The following ERCC1 variants were observed in gnomAD, a reference collection of about 807,000 sequenced individuals.
The protein encoded by ERCC1 is ERCC excision repair 1, endonuclease non-catalytic subunit, also known as DNA excision repair protein ERCC-1.
ERCC1 carries 36 observed loss-of-function variants against 37.6 expected under a neutral mutation model. The ratio of observed to expected loss-of-function variants is 0.96; its 90% CI spans 0.73 to 1.26. The LOEUF (loss-of-function observed/expected upper bound fraction) is 1.26, where lower values mean the gene tolerates loss of function less well. Among genes scored for constraint, ERCC1 ranks in the 50% most tolerant of loss-of-function variants. ERCC1 has a pLI of 0.00. For missense variants in ERCC1, 349 were observed against 376.5 expected, an observed-to-expected ratio of 0.93 and a Z score of 0.60; for synonymous variants, 156 against 162.1, an observed-to-expected ratio of 0.96 and a Z score of 0.28.
Position 45,408,668 on chromosome 19 carries a change from C to G in ERCC1, c.*1007G>C, listed in dbSNP as rs1973496666. 6.2e-7 allele frequency: 1 copy of G among 1,613,848 alleles called. No individual in the cohort carries two copies. Among genetic ancestry groups the G allele is most frequent in the Non-Finnish European group, 8.5e-7 (1 of 1,179,986 alleles). ...GGCAGCAGGGCCTGTGGGGACAGAG[C>G]CCACAGTGGAGACACTGGAGCCTCT... On this transcript the variant is annotated 3_prime_UTR_variant, in exon 10 of 10. Coordinates refer to ENST00000300853, the MANE Select transcript of ERCC1 (RefSeq NM_001983.4).
chr19:45,423,220 C>T (rs906766647), intron 2 of ERCC1, 50 bp downstream of exon 2: 4 of 1,552,814 alleles, frequency 2.6e-6, no homozygotes, highest in African/African-American at 2.7e-5. Flanking sequence ...CTATCCTCTT[C>T]GTCCTAACAG....
intron 6 of ERCC1, 131 bp from the exon 7 acceptor site, chr19:45,415,091 T>C: frequency 6.4e-6 from 4 of 625,632 alleles, no homozygotes; most frequent in Non-Finnish European, 1.2e-5. Context: ...CCCAGCACTT[T>C]GGGATGATGA....
At chr19:45,434,361 T>C (rs1974919009) in intron 1 of ERCC1, among the ~76,000 whole-genome samples, 1 of 149,710 alleles carries the variant, frequency 6.7e-6, no homozygotes, top group African/African-American at 2.5e-5. Context: ...CTTGGTGGCA[T>C]GTGCCTGTAG....
chr19:45,443,528 G>A (rs907993860), intron 1 of ERCC1, among the ~76,000 whole-genome samples: 1 of 152,126 alleles, frequency 6.6e-6, no homozygotes, highest in Non-Finnish European at 1.5e-5. Context: ...GTGACGTCAC[G>A]AGCCGCTCCC....
chr19:45,409,017 T>C lies in ERCC1; in HGVS notation c.*658A>G. ...CCAGGGACGGAGGCGATGGAGCCAG[T>C]GGAGCCGGAGATGAAGCCTCTGGAG... On this transcript the variant is annotated 3_prime_UTR_variant, in exon 10 of 10. Transcript: ENST00000300853. The C allele has an allele frequency of 6.2e-7, 1 of 1,613,942 alleles. No homozygotes were observed. The highest frequency in any genetic ancestry group is 8.5e-7 in the Non-Finnish European group (1 of 1,179,952).
chr19:45,413,623 A>G, intron 9 of ERCC1, 54 bp downstream of exon 9: 1 of 1,614,046 alleles, frequency 6.2e-7, no homozygotes, highest in South Asian at 1.1e-5. Context: ...GGTTGTGTTT[A>G]TTTGGGGCTC....
At chr19:45,413,849 G>A in intron 8 of ERCC1, 104 bp from the exon 9 acceptor site, 1 of 1,586,260 alleles carries the variant, frequency 6.3e-7, no homozygotes, top group Non-Finnish European at 8.6e-7. Flanking sequence ...GAGGGCCTGT[G>A]GGAAGGCAGG....
intron 1 of ERCC1, among the ~76,000 whole-genome samples, chr19:45,450,230 G>A (rs1012087444): frequency 1.3e-5 from 2 of 152,056 alleles, no homozygotes; most frequent in African/African-American, 4.8e-5. Flanking sequence ...CATGCATACA[G>A]GTCCACAAGC....
upstream of ERCC1, among the ~76,000 whole-genome samples, chr19:45,424,956 C>T (rs1384043696): frequency 7.5e-6 from 1 of 133,676 alleles, no homozygotes; most frequent in Non-Finnish European, 1.5e-5. Context: ...GAGTTTCGCT[C>T]TTATTACCCA....
chr19:45,427,574 A>C (rs1490684938), upstream of ERCC1, among the ~76,000 whole-genome samples: 2 of 152,200 alleles, frequency 1.3e-5, no homozygotes, highest in Non-Finnish European at 2.9e-5. Context: ...AGATTACACC[A>C]CTGCACTCTA....
rs1233976345 is a variant in ERCC1, at chr19:45,416,856, A to G, written c.567T>C (p.Cys189=). ...GGATCAATGTGCAGTCGGCCAGGAT[A>G]CACATCTTAGCCAGCTCCTTGAGGG... ...QQALKELAKM[C]ILADCTLILA... Residue 189 remains cysteine, a synonymous_variant, in exon 6 of 10, where the codon TGT becomes TGC. Coordinates refer to ENST00000300853, the MANE Select transcript of ERCC1 (RefSeq NM_001983.4). The G allele has an allele frequency of 6.2e-7, 1 of 1,613,806 alleles. No individual in the cohort carries two copies. The highest frequency in any genetic ancestry group is 1.7e-5 in the Admixed American group (1 of 59,996).
intron 1 of ERCC1, among the ~76,000 whole-genome samples, chr19:45,446,859 G>T (rs145411271): frequency 1.3e-5 from 2 of 152,138 alleles, no homozygotes; most frequent in African/African-American, 4.8e-5. Flanking sequence ...TTAGCTGAGC[G>T]CAGTGGCAGG....
In ERCC1 at chr19:45,420,190, G is replaced by A. The variant is rs1974323922; in HGVS notation, c.425+134C>T. The A allele has an allele frequency of 1.4e-6, 1 of 705,146 alleles. No individual in the cohort carries two copies. The highest frequency in any genetic ancestry group is 1.8e-5 in the African/African-American group (1 of 57,062). The allele number at this position is 705,146 out of a possible 1,614,324, so 43.7% of individuals were successfully genotyped here. On this transcript the variant is annotated intron_variant, in intron 4 of 9. Transcript: ENST00000300853. The surrounding 1 kb of genome is among the most constrained non-coding windows in gnomAD (Gnocchi z 4.8). ...CAAGACCCCCTGCCTCCAACACAGG[G>A]TCCCACCAAGGCCCAGAACCTGCAG...
At chr19:45,435,354 G>A (rs1400446201) in intron 1 of ERCC1, among the ~76,000 whole-genome samples, 1 of 152,210 alleles carries the variant, frequency 6.6e-6, no homozygotes, top group African/African-American at 2.4e-5. Flanking sequence ...CTGAGGCACA[G>A]GGAAGGTAGA....
Position 45,408,275 on chromosome 19 carries a change from G to A in ERCC1, c.*1400C>T. On this transcript the variant is annotated 3_prime_UTR_variant, in exon 10 of 10. Transcript: ENST00000300853. ...GCTGGCCCCCTCAACGGAGGCAGGA[G>A]GTGGACTCACCTGTGCCTCAGCCCC... 6.2e-7 allele frequency: 1 copy of A among 1,614,094 alleles called. No homozygotes were observed. The highest frequency in any genetic ancestry group is 1.3e-5 in the African/African-American group (1 of 75,052).
chr19:45,409,517 C>G lies in ERCC1; in HGVS notation c.*158G>C, dbSNP rs767764676. The G allele has an allele frequency of 1.3e-5, 21 of 1,592,994 alleles. No individual in the cohort carries two copies. Among genetic ancestry groups the G allele is most frequent in the Middle Eastern group, 1.9e-4 (1 of 5,298 alleles). On this transcript the variant is annotated 3_prime_UTR_variant, in exon 10 of 10. Transcript: ENST00000300853. The stretch of plus-strand genomic sequence containing the variant: ...GCCTGTGTAGTCTGCCCCCGGGAAA[C>G]TGAGGAACTAAAGAAAGCTGAAGGT...
upstream of ERCC1, among the ~76,000 whole-genome samples, chr19:45,428,567 C>T (rs1974757656): frequency 2.0e-5 from 3 of 152,330 alleles, no homozygotes; most frequent in Non-Finnish European, 2.9e-5. Context: ...CACTCCCCAG[C>T]TACGGCCCCT....
intron 5 of ERCC1, 90 bp from the exon 6 acceptor site, chr19:45,416,987 C>T (rs908043513): frequency 1.1e-6 from 1 of 921,312 alleles, no homozygotes; most frequent in African/African-American, 1.6e-5. Flanking sequence ...ATCCCAGCTA[C>T]TAGGGAAGCT....
intron 9 of ERCC1, chr19:45,409,985 G>A (rs1271832182): frequency 2.3e-5 from 4 of 172,096 alleles, no homozygotes; most frequent in Non-Finnish European, 4.7e-5. Context: ...TCCGCCTCCC[G>A]GGTTCACGCC....
Sources: gnomAD v4.1 joint callset for allele counts (sites outside exome capture counted in the v4.1 genomes callset) on GRCh38, gnomAD v4.1.1 for gene constraint, Gnocchi (gnomAD v3.1) non-coding constraint, MANE v1.5 for transcripts, NCBI Gene and HGNC (gene_info 2026-07-23, HGNC 2026-07-21) for gene names.